The following THAP4 variants were observed in gnomAD, a reference collection of about 807,000 sequenced individuals.
The protein encoded by THAP4 is THAP domain containing 4.
A neutral mutation model predicts 48.1 loss-of-function variants in THAP4; 18 were observed. The ratio of observed to expected loss-of-function variants is 0.37; its 90% CI spans 0.26 to 0.56. The LOEUF (loss-of-function observed/expected upper bound fraction) is 0.56. Among genes scored for constraint, THAP4 ranks in the 20% least tolerant of loss-of-function variants. The probability of loss-of-function intolerance (pLI) is 0.78; values close to 1 mark genes in which losing one functional copy is unlikely to be tolerated. For missense variants in THAP4, 656 were observed against 774.9 expected (o/e 0.85, Z 1.82); for synonymous variants, 345 against 324.9 (o/e 1.06, Z -0.66).
intron 2 of THAP4, among the ~76,000 whole-genome samples, chr2:241,614,454 G>A (rs964853616): frequency 2.0e-5 from 3 of 152,188 alleles, no homozygotes; most frequent in African/African-American, 7.2e-5. Context: ...GATGACACAC[G>A]AAGATGTCGA....
chr2:241,606,777 A>G (rs1234446396), intron 2 of THAP4, among the ~76,000 whole-genome samples: 1 of 152,174 alleles, frequency 6.6e-6, no homozygotes, highest in African/African-American at 2.4e-5. Flanking sequence ...TGTGGGGTGC[A>G]GGTGGTGGGA....
intron 5 of THAP4, among the ~76,000 whole-genome samples, chr2:241,585,923 A>G (rs1036563274): frequency 1.4e-5 from 2 of 144,428 alleles, no homozygotes; most frequent in Non-Finnish European, 3.0e-5. Context: ...AAAAAAAAAA[A>G]AAAAAAGAAA....
At chr2:241,593,381 G>A (rs1225477785) in intron 5 of THAP4, among the ~76,000 whole-genome samples, 2 of 152,256 alleles carry the variant, frequency 1.3e-5, no homozygotes, top group Non-Finnish European at 2.9e-5. Flanking sequence ...TGTGTCTCCT[G>A]CAACAGCCCC....
chr2:241,614,127 C>G (rs960676404), intron 2 of THAP4, among the ~76,000 whole-genome samples: 2 of 149,818 alleles, frequency 1.3e-5, no homozygotes, highest in Non-Finnish European at 3.0e-5. Context: ...GCACTCCAGT[C>G]TGGGCAACTG....
chr2:241,635,088 C>G (rs77584381), intron 1 of THAP4, among the ~76,000 whole-genome samples: 1 of 152,058 alleles, frequency 6.6e-6, no homozygotes, highest in Non-Finnish European at 1.5e-5. Context: ...TGCACAACAA[C>G]GTGAATGTAT....
chr2:241,605,781 T>G (rs1033583348), intron 3 of THAP4, among the ~76,000 whole-genome samples: 1 of 152,050 alleles, frequency 6.6e-6, no homozygotes, highest in African/African-American at 2.4e-5. Flanking sequence ...AGTGTTATGA[T>G]CACAGCTCAC....
intron 5 of THAP4, among the ~76,000 whole-genome samples, chr2:241,588,768 A>T (rs2066921232): frequency 2.0e-5 from 3 of 152,262 alleles, no homozygotes; most frequent in Admixed American, 2.0e-4. Flanking sequence ...TACCATCTAG[A>T]AATAGCAATT....
intron 2 of THAP4, chr2:241,617,587 A>C (rs1482666291): frequency 2.2e-6 from 2 of 890,564 alleles, no homozygotes; most frequent in Non-Finnish European, 3.4e-6. Flanking sequence ...ACGTCTCAGA[A>C]GAAAGTAAAA....
chr2:241,607,116 G>C (rs1037353109), intron 2 of THAP4, among the ~76,000 whole-genome samples: 1 of 152,058 alleles, frequency 6.6e-6, no homozygotes, highest in East Asian at 1.9e-4. Context: ...CCTGTGTAGT[G>C]GCCAGGAGAC....
intron 2 of THAP4, among the ~76,000 whole-genome samples, chr2:241,611,290 C>G (rs766825137): frequency 3.5e-4 from 54 of 152,166 alleles, no homozygotes; most frequent in Admixed American, 9.8e-4. Flanking sequence ...GGAGCTCCTG[C>G]AAACAGCAGG....
At chr2:241,626,775 G>C (rs2067499839) in intron 2 of THAP4, among the ~76,000 whole-genome samples, 1 of 152,068 alleles carries the variant, frequency 6.6e-6, no homozygotes, top group Non-Finnish European at 1.5e-5. Flanking sequence ...TGTTGGCCAG[G>C]CTGGTCTCAA....
intron 1 of THAP4, among the ~76,000 whole-genome samples, chr2:241,636,509 C>T (rs946147656): frequency 1.6e-4 from 24 of 152,350 alleles, no homozygotes; most frequent in African/African-American, 5.0e-4. Context: ...CTCGGGGGCC[C>T]AGTCCCGGAA....
chr2:241,598,913 C>T (rs1351373313), intron 5 of THAP4, among the ~76,000 whole-genome samples: 1 of 146,802 alleles, frequency 6.8e-6, no homozygotes, highest in African/African-American at 2.6e-5. Flanking sequence ...CCAAGATACG[C>T]ACCTGCACTG....
chr2:241,594,655 G>T, intron 5 of THAP4: 1 of 253,514 alleles, frequency 3.9e-6, no homozygotes, highest in Non-Finnish European at 8.0e-6. Flanking sequence ...CTACTTGGGA[G>T]GGCGAGGTGG....
chr2:241,631,561 G>A (rs2067561702), intron 2 of THAP4, among the ~76,000 whole-genome samples: 1 of 152,186 alleles, frequency 6.6e-6, no homozygotes, highest in South Asian at 2.1e-4. Flanking sequence ...GACCTCCCAG[G>A]CTCAAGCTAT....
At chr2:241,597,882 GTC>G (rs1575021127) in intron 5 of THAP4, among the ~76,000 whole-genome samples, 5 of 151,646 alleles carry the variant, frequency 3.3e-5, no homozygotes, top group Admixed American at 1.3e-4. Context: ...CAACTCCATC[GTC>G]TCTGTCTCCT....
chr2:241,634,049 G>C lies in THAP4; in HGVS notation c.108C>G (p.Ile36Met), dbSNP rs1435232434. Residue 36 changes from isoleucine to methionine, a missense_variant, in exon 2 of 6, where the codon ATC (isoleucine) becomes ATG (methionine). Transcript: ENST00000407315. ...RFPLKDSKRL[I>M]QWLKAVQRDN... ...CCCTCTGAACAGCTTTTAACCATTG[G>C]ATTAGACGTTTTGAGTCCTTTAGGG... is the stretch of plus-strand genomic sequence containing the variant. The C allele has an allele frequency of 6.2e-7, 1 of 1,600,232 alleles. No homozygotes were observed. Among genetic ancestry groups the C allele is most frequent in the Admixed American group, 1.7e-5 (1 of 57,638 alleles).
At chr2:241,611,677 T>C (rs954474206) in intron 2 of THAP4, among the ~76,000 whole-genome samples, 18 of 150,014 alleles carry the variant, frequency 1.2e-4, no homozygotes, top group African/African-American at 3.9e-4. Flanking sequence ...TGAGCCGAGA[T>C]TGTGCCACTG....
intron 2 of THAP4, among the ~76,000 whole-genome samples, chr2:241,614,481 G>A (rs2067314394): frequency 6.6e-6 from 1 of 152,178 alleles, no homozygotes; most frequent in African/African-American, 2.4e-5. Flanking sequence ...GAAACTAAAT[G>A]AAATTGCAAT....
Sources: allele counts gnomAD v4.1 joint callset (sites outside exome capture counted in the v4.1 genomes callset), GRCh38; gene constraint gnomAD v4.1.1; transcripts MANE v1.5; gene names NCBI Gene and HGNC (gene_info 2026-07-23, HGNC 2026-07-21).